The following TSEN15 variants were observed in gnomAD, a reference collection of about 807,000 sequenced individuals.
The protein encoded by TSEN15 is tRNA splicing endonuclease subunit 15, also known as tRNA-splicing endonuclease subunit Sen15.
Under a neutral mutation model 20.5 loss-of-function variants are expected in TSEN15, and 10 were observed. The ratio of observed to expected loss-of-function variants is 0.49; its 90% CI spans 0.30 to 0.83. The LOEUF is 0.83. Among genes scored for constraint, TSEN15 ranks in the 40% least tolerant of loss-of-function variants. The pLI, the probability that TSEN15 is intolerant of heterozygous loss-of-function variation, is 0.06. For synonymous variants in TSEN15, 72 were observed against 80.1 expected, an observed-to-expected ratio of 0.90 and a Z score of 0.54; for missense variants, 180 against 218.6, an observed-to-expected ratio of 0.82 and a Z score of 1.11.
downstream of TSEN15, among the ~76,000 whole-genome samples, chr1:184,075,092 G>A (rs192779927): frequency 6.6e-6 from 1 of 152,082 alleles, no homozygotes; most frequent in Non-Finnish European, 1.5e-5. Flanking sequence ...TTGTGTGTCG[G>A]ATCTGTTGAC....
chr1:184,092,155 C>G (rs1651371688), intron 3 of TSEN15, among the ~76,000 whole-genome samples: 1 of 152,184 alleles, frequency 6.6e-6, no homozygotes, highest in Admixed American at 6.5e-5. Context: ...AAGGTATAAC[C>G]AGACAGATGT....
rs1161253266 is a variant in TSEN15, at chr1:184,073,545, G to A, written c.*698G>A. ...ATCATAGCTTGAATATTACAACAGT[G>A]TGGGAGAGAATCAACCGTAAAAATG... On this transcript the variant is annotated 3_prime_UTR_variant, in exon 5 of 5. Transcript: ENST00000645668. The A allele has an allele frequency of 6.6e-6, 1 of 152,582 alleles. No homozygotes were observed. The highest frequency in any genetic ancestry group is 1.5e-5 in the Non-Finnish European group (1 of 68,026). 9.5% of individuals were successfully genotyped at this position (152,582 alleles called of 1,614,324 possible).
At chr1:184,060,710 A>G (rs1440266175) in intron 3 of TSEN15, among the ~76,000 whole-genome samples, 2 of 152,244 alleles carry the variant, frequency 1.3e-5, no homozygotes, top group African/African-American at 2.4e-5. Context: ...TGAGGTTAAA[A>G]GTATATTTTC....
intron 3 of TSEN15, among the ~76,000 whole-genome samples, chr1:184,088,460 A>AGAAG (rs1204541074): frequency 1.3e-5 from 2 of 152,222 alleles, no homozygotes; most frequent in South Asian, 2.1e-4. Flanking sequence ...GAGGAAAAGG[A>AGAAG]GAAGGAAGGA....
At chr1:184,069,923 A>G (rs1429208081) in intron 3 of TSEN15, among the ~76,000 whole-genome samples, 1 of 152,040 alleles carries the variant, frequency 6.6e-6, no homozygotes, top group Admixed American at 6.6e-5. Context: ...CTGGTAATTC[A>G]CAATCACCGC....
intron 3 of TSEN15, chr1:184,071,032 G>A (rs1337077015): frequency 6.4e-6 from 1 of 156,502 alleles, no homozygotes; most frequent in East Asian, 1.8e-4. Context: ...AGGTAGCAAA[G>A]TTGTATATAT....
chr1:184,095,217 G>T, intron 3 of TSEN15: 1 of 397,418 alleles, frequency 2.5e-6, no homozygotes, highest in South Asian at 1.4e-4. Flanking sequence ...GTTTCCTTCT[G>T]ACACTGCTAT....
chr1:184,084,343 G>A (rs760935541), intron 3 of TSEN15, among the ~76,000 whole-genome samples: 1 of 151,774 alleles, frequency 6.6e-6, no homozygotes, highest in Non-Finnish European at 1.5e-5. Context: ...TATGAAGAAG[G>A]TAGTCTTAGT....
chr1:184,093,269 C>T (rs1052475226), intron 3 of TSEN15, among the ~76,000 whole-genome samples: 2 of 152,158 alleles, frequency 1.3e-5, no homozygotes, highest in Non-Finnish European at 2.9e-5. Flanking sequence ...GTGCTCTGGA[C>T]ACTGGATCTG....
At chr1:184,075,653 C>CTTA (rs1433709848), downstream of TSEN15, among the ~76,000 whole-genome samples, 1 of 152,042 alleles carries the variant, frequency 6.6e-6, no homozygotes, top group East Asian at 1.9e-4. Context: ...TTTTCAGACT[C>CTTA]TACTAAGAGT....
At chr1:184,077,150 G>A (rs1379977531), downstream of TSEN15, among the ~76,000 whole-genome samples, 1 of 151,958 alleles carries the variant, frequency 6.6e-6, no homozygotes, top group East Asian at 1.9e-4. Context: ...CAAAGGATGG[G>A]CTAATTCTCT....
chr1:184,079,397 G>T (rs1038467821), intron 3 of TSEN15, among the ~76,000 whole-genome samples: 1 of 152,104 alleles, frequency 6.6e-6, no homozygotes, highest in Non-Finnish European at 1.5e-5. Flanking sequence ...AAATACCACA[G>T]CCTGGGTGCC....
rs1650982728 is a variant in TSEN15, at chr1:184,073,641, A to G, written c.*794A>G. On this transcript the variant is annotated 3_prime_UTR_variant, in exon 5 of 5. Transcript: ENST00000645668. ...CAAATTGTACAAAGTATAAAAAATT[A>G]TATGCACAAAGATGTTCCAAGTGAC... 6.6e-6 allele frequency: 1 copy of G among 152,632 alleles called. No individual in the cohort carries two copies. Among genetic ancestry groups the G allele is most frequent in the South Asian group, 2.1e-4 (1 of 4,838 alleles). 9.5% of individuals were successfully genotyped at this position (152,632 alleles called of 1,614,324 possible).
intron 3 of TSEN15, among the ~76,000 whole-genome samples, chr1:184,090,342 T>A (rs138164660): frequency 1.3e-5 from 2 of 152,318 alleles, no homozygotes; most frequent in African/African-American, 4.8e-5. Context: ...CAAAAGGGCA[T>A]GAAGGAATTC....
chr1:184,062,728 C>A (rs1289588504), intron 3 of TSEN15, among the ~76,000 whole-genome samples: 1 of 151,872 alleles, frequency 6.6e-6, no homozygotes, highest in Non-Finnish European at 1.5e-5. Flanking sequence ...TAGTCTTTAA[C>A]TACTGGTAGG....
In TSEN15 at chr1:184,054,765, A is replaced by G. The variant is rs755434233; in HGVS notation, c.255A>G (p.Pro85=). The G allele has an allele frequency of 5.6e-6, 9 of 1,612,424 alleles. No homozygotes were observed. Among genetic ancestry groups the G allele is most frequent in the Middle Eastern group, 2.0e-4 (1 of 5,056 alleles). The change falls in exon 3 of 5, where the codon CCA becomes CCG. Residue 85 remains proline (P), a synonymous_variant. Coordinates refer to ENST00000645668, the MANE Select transcript of TSEN15 (RefSeq NM_052965.4). ...SWHEVNCVGL[P]ELQLICLVGT... is the part of the protein sequence containing the mutation. ...ATGAAGTAAACTGTGTAGGATTACC[A>G]GAACTCCAGCTCATCTGCCTTGTTG...
chr1:184,095,039 C>T, intron 3 of TSEN15: 1 of 398,622 alleles, frequency 2.5e-6, no homozygotes, highest in African/African-American at 2.1e-5. Flanking sequence ...AGATCAGGAC[C>T]TGGAAGGGAA....
intron 3 of TSEN15, chr1:184,071,211 TC>T (rs542925895): frequency 4.3e-4 from 65 of 152,100 alleles, no homozygotes; most frequent in African/African-American, 1.5e-3. Flanking sequence ...TTGTCAAAAA[TC>T]AACTGACCAG....
At chr1:184,059,032 CTTTTTTT>C (rs34067689) in intron 3 of TSEN15, among the ~76,000 whole-genome samples, 3 of 129,590 alleles carry the variant, frequency 2.3e-5, no homozygotes, top group African/African-American at 5.7e-5. Context: ...TTAGAAAATA[CTTTTTTT>C]TTTTTTTTTG....
Sources: gnomAD v4.1 joint callset for allele counts (sites outside exome capture counted in the v4.1 genomes callset) on GRCh38, gnomAD v4.1.1 for gene constraint, MANE v1.5 for transcripts, NCBI Gene and HGNC (gene_info 2026-07-23, HGNC 2026-07-21) for gene names.